The following CMTM4 variants were observed in gnomAD, a reference collection of about 807,000 sequenced individuals.
The protein encoded by CMTM4 is CKLF like MARVEL transmembrane domain containing 4.
CMTM4 carries 8 observed loss-of-function variants against 19.0 expected under a neutral mutation model. The observed-to-expected ratio is 0.42, with a 90% CI of 0.25 to 0.76. The LOEUF (loss-of-function observed/expected upper bound fraction) is 0.76. Among genes scored for constraint, CMTM4 ranks in the 30% least tolerant of loss-of-function variants. The probability of loss-of-function intolerance (pLI) is 0.27; values close to 1 mark genes in which losing one functional copy is unlikely to be tolerated. For missense variants in CMTM4, 228 were observed against 290.2 expected (o/e 0.79, Z 1.56); for synonymous variants, 106 against 121.1 (o/e 0.88, Z 0.82).
At position 66,621,749 on chromosome 16, in the gene CMTM4, G is replaced by A. The variant is rs922527552; in HGVS notation, c.*309C>T. On this transcript the variant is annotated 3_prime_UTR_variant, in exon 4 of 4. Transcript: ENST00000394106. ...GCAGCCCCATTTAATCCAAAGTCTT[G>A]TTACAAATACACACGACAAGGTGGC... 1.7e-6 allele frequency: 2 copies of A among 1,168,358 alleles called. No individual in the cohort carries two copies. The highest frequency in any genetic ancestry group is 2.1e-6 in the Non-Finnish European group (2 of 940,068). The allele number at this position is 1,168,358 out of a possible 1,614,324, so 72.4% of individuals were successfully genotyped here. A position where few individuals can be genotyped will look rare whatever the true frequency, so the allele number is the denominator to read the frequency against.
At chr16:66,646,260 G>A (rs1012259282) in intron 1 of CMTM4, among the ~76,000 whole-genome samples, 3 of 152,060 alleles carry the variant, frequency 2.0e-5, no homozygotes, top group Admixed American at 6.6e-5. Flanking sequence ...ACCTCTCTAT[G>A]GATTAGGATT....
intron 1 of CMTM4, among the ~76,000 whole-genome samples, chr16:66,684,309 G>C (rs923495622): frequency 6.6e-6 from 1 of 152,002 alleles, no homozygotes; most frequent in African/African-American, 2.4e-5. Flanking sequence ...GAGTAGCTGG[G>C]ATTACAAGTA....
In CMTM4 at chr16:66,667,887, C is replaced by CA. The variant is rs1004521661; in HGVS notation, c.186+28452dup. On this transcript the variant is annotated intron_variant, in intron 1 of 3. Coordinates refer to ENST00000394106, the MANE Select transcript of CMTM4 (RefSeq NM_181521.3). ...TGGCTGATAGGGCGAGACTCTGTCT[C>CA]AAAAAAAAAAGTAGTTACCATCTTT... 5.4e-5 allele frequency among the ~76,000 whole-genome samples: 8 copies of CA among 147,054 alleles called. No individual in the cohort carries two copies. In the East Asian group the frequency reaches 5.9e-4, roughly 11 times the overall value.
At chr16:66,695,211 G>A (rs1249496478) in intron 1 of CMTM4, among the ~76,000 whole-genome samples, 1 of 152,136 alleles carries the variant, frequency 6.6e-6, no homozygotes. Context: ...ACCCGGCATG[G>A]TGGAACGTGC....
the CMTM4 span, among the ~76,000 whole-genome samples, chr16:66,601,107 C>A: frequency 4.2e-5 from 6 of 142,926 alleles, no homozygotes; most frequent in Admixed American, 2.1e-4. Flanking sequence ...GTGTGTGTGT[C>A]TGTGTGTGTG....
intron 1 of CMTM4, among the ~76,000 whole-genome samples, chr16:66,679,891 T>C (rs2016876401): frequency 6.6e-6 from 1 of 150,502 alleles, no homozygotes; most frequent in African/African-American, 2.4e-5. Context: ...ATCCGCCTAA[T>C]GGTTACAGAA....
intron 1 of CMTM4, among the ~76,000 whole-genome samples, chr16:66,660,500 T>A (rs1464432396): frequency 6.6e-6 from 1 of 151,640 alleles, no homozygotes. Flanking sequence ...AGAAGCAGCA[T>A]AGAACAGTCA....
At chr16:66,642,776 C>T (rs1465155515) in intron 1 of CMTM4, among the ~76,000 whole-genome samples, 1 of 152,108 alleles carries the variant, frequency 6.6e-6, no homozygotes, top group African/African-American at 2.4e-5. Flanking sequence ...CAGATTTCCA[C>T]AACTGTGGCA....
chr16:66,622,132 T>G lies in CMTM4; in HGVS notation c.553A>C (p.Asn185His). 6.2e-7 allele frequency: 1 copy of G among 1,612,280 alleles called. No homozygotes were observed. Among genetic ancestry groups the G allele is most frequent in the South Asian group, 1.1e-5 (1 of 90,500 alleles). Residue 185 changes from asparagine (N) to histidine (H), a missense_variant, in exon 4 of 4, where the codon AAT (asparagine) becomes CAT (histidine). This residue lies in a region of CMTM4 where 200 missense variants were observed against 226.6 expected (regional missense o/e 0.88). Coordinates refer to ENST00000394106, the MANE Select transcript of CMTM4 (RefSeq NM_181521.3). This position sits in a 1 kb window ranked among gnomAD's most constrained non-coding sequence, Gnocchi z 4.0. Reference protein sequence around the residue: ...WRVSVRQQSTNDYIRARTESR... With the variant: ...WRVSVRQQSTHDYIRARTESR... ...TCCGTGCGGGCTCGGATGTAGTCAT[T>G]GGTGCTCTGCTGGCGGACGCTGACT...
At position 66,621,884 on chromosome 16, in the gene CMTM4, A is replaced by G. The variant is rs1169698995; in HGVS notation, c.*174T>C. 7 of 1,425,688 alleles carry G rather than the reference A, an allele frequency of 4.9e-6. No individual in the cohort carries two copies. Among genetic ancestry groups the G allele is most frequent in the Non-Finnish European group, 9.1e-7 (1 of 1,093,042 alleles). 88.3% of individuals were successfully genotyped at this position (1,425,688 alleles called of 1,614,324 possible). A position where few individuals can be genotyped will look rare whatever the true frequency, so the allele number is the denominator to read the frequency against. On this transcript the variant is annotated 3_prime_UTR_variant, in exon 4 of 4. Coordinates refer to ENST00000394106, the MANE Select transcript of CMTM4 (RefSeq NM_181521.3). ...AACGCTGAGGAACGTGGGCCTCCCA[A>G]CTCCACCGCGGACCCGCCCACTGGG...
chr16:66,683,592 T>G (rs934970044), intron 1 of CMTM4, among the ~76,000 whole-genome samples: 1 of 151,822 alleles, frequency 6.6e-6, no homozygotes, highest in African/African-American at 2.4e-5. Context: ...TTTTTTTCTT[T>G]TATTAAACAA....
chr16:66,619,679 CATG>C lies in CMTM4; in HGVS notation c.*2376_*2378del. On this transcript the variant is annotated 3_prime_UTR_variant, in exon 4 of 4. Transcript: ENST00000394106. ...AACTTTCGTCACCACGTGGTCTATA[CATG>C]ATGACATGTGCAACCACACATTACA... 1 of 985,412 alleles carries C rather than the reference CATG, an allele frequency of 1.0e-6. No homozygotes were observed. The highest frequency in any genetic ancestry group is 1.2e-6 in the Non-Finnish European group (1 of 829,940). The allele number at this position is 985,412 out of a possible 1,614,324, so 61.0% of individuals were successfully genotyped here.
At chr16:66,611,174 C>T (rs2015362546), downstream of CMTM4, 1 of 255,614 alleles carries the variant, frequency 3.9e-6, no homozygotes, top group African/African-American at 2.2e-5. Flanking sequence ...ATATAGCAGC[C>T]AGGCACAGTG....
chr16:66,639,654 G>A (rs774353040), intron 1 of CMTM4, among the ~76,000 whole-genome samples: 14 of 152,136 alleles, frequency 9.2e-5, no homozygotes, highest in Admixed American at 5.9e-4. Context: ...AGGTTGAGGC[G>A]GGTGGATTGC....
chr16:66,641,835 A>T (rs2016101548), intron 1 of CMTM4, among the ~76,000 whole-genome samples: 1 of 152,244 alleles, frequency 6.6e-6, no homozygotes, highest in Admixed American at 6.5e-5. Context: ...ACACCTATTT[A>T]AACCATAAAA....
Position 66,683,171 on chromosome 16 carries a change from A to ACATG in CMTM4, c.186+13168_186+13169insCATG, listed in dbSNP as rs1567432184. ...TGTATATATATATACGTATATATAT[A>ACATG]TATACATATGTATATATATATACAT... On this transcript the variant is annotated intron_variant, in intron 1 of 3. Transcript: ENST00000394106. Among the ~76,000 whole-genome samples the ACATG allele has an allele frequency of 2.8e-3, 242 of 85,672 alleles. 3 individuals are homozygous for ACATG. In the East Asian group the frequency reaches 0.04, roughly 14 times the overall value. 56.2% of individuals were successfully genotyped at this position (85,672 alleles called of 152,430 possible).
intron 1 of CMTM4, among the ~76,000 whole-genome samples, chr16:66,663,476 A>G (rs1474656659): frequency 1.4e-5 from 2 of 147,826 alleles, no homozygotes; most frequent in Non-Finnish European, 3.0e-5. Flanking sequence ...TCTGCTATCC[A>G]GCCCATCCAT....
At chr16:66,670,241 GTTTGGGACCAGCC>G (rs2016678001) in intron 1 of CMTM4, among the ~76,000 whole-genome samples, 2 of 149,604 alleles carry the variant, frequency 1.3e-5, no homozygotes, top group Admixed American at 6.7e-5. Flanking sequence ...GAGGTTAAGA[GTTTGGGACCAGCC>G]TGGCCAACAT....
Position 66,696,623 on chromosome 16 carries a change from G to T in CMTM4, c.-98C>A. 1 of 701,578 alleles carries T rather than the reference G, an allele frequency of 1.4e-6. No individual in the cohort carries two copies. The highest frequency in any genetic ancestry group is 1.7e-6 in the Non-Finnish European group (1 of 572,814). 43.5% of individuals were successfully genotyped at this position (701,578 alleles called of 1,614,324 possible). A position where few individuals can be genotyped will look rare whatever the true frequency, so the allele number is the denominator to read the frequency against. On this transcript the variant is annotated 5_prime_UTR_variant, in exon 1 of 4. Transcript: ENST00000394106. The surrounding 1 kb of genome is among the most constrained non-coding windows in gnomAD (Gnocchi z 4.3). Reference sequence around the variant, plus strand: ...CCGCATCGCCGCCGCCGCCGCCGCCGCCGCCGCCCGACTGACTGCCCGCGG... The same window carrying T: ...CCGCATCGCCGCCGCCGCCGCCGCCTCCGCCGCCCGACTGACTGCCCGCGG...
Sources: gnomAD v4.1 joint callset for allele counts (sites outside exome capture counted in the v4.1 genomes callset) on GRCh38, gnomAD v4.1.1 for gene constraint, gnomAD v4.1.1 regional missense constraint, Gnocchi (gnomAD v3.1) non-coding constraint, MANE v1.5 for transcripts, NCBI Gene and HGNC (gene_info 2026-07-23, HGNC 2026-07-21) for gene names.